MMP25: variants seen among roughly 807,000 people sequenced by gnomAD.
The protein encoded by MMP25 is matrix metalloproteinase-25.
A neutral mutation model predicts 62.1 loss-of-function variants in MMP25; 68 were observed. The ratio of observed to expected loss-of-function variants is 1.10; its 90% CI spans 0.90 to 1.34. MMP25 has a LOEUF of 1.34. MMP25 is among the 40% of genes most tolerant of loss of function. The pLI is 0.00. For missense variants in MMP25, 942 were observed against 792.5 expected, an observed-to-expected ratio of 1.19 and a Z score of -2.26; for synonymous variants, 407 against 345.6, an observed-to-expected ratio of 1.18 and a Z score of -1.97.
intron 4 of MMP25, chr16:3,051,810 T>G (rs1239452748): frequency 6.6e-6 from 1 of 151,924 alleles, no homozygotes; most frequent in African/African-American, 2.4e-5. Context: ...CTAGAAGAGG[T>G]GACTTCGTTC....
Position 3,059,188 on chromosome 16 carries a change from C to T in MMP25, c.*90C>T, listed in dbSNP as rs1567130366. 1 of 1,387,582 alleles carries T rather than the reference C, an allele frequency of 7.2e-7. No homozygotes were observed. Among genetic ancestry groups the T allele is most frequent in the African/African-American group, 1.5e-5 (1 of 68,444 alleles). 86.0% of individuals were successfully genotyped at this position (1,387,582 alleles called of 1,614,324 possible). On this transcript the variant is annotated 3_prime_UTR_variant, in exon 10 of 10. Transcript: ENST00000336577. ...CGGGGGTTGTGAGGCGCTGCGGAGG[C>T]CCCTTGTCTGTTCCCACGGACGGGG... is the stretch of plus-strand genomic sequence containing the variant.
chr16:3,059,319 C>T lies in MMP25; in HGVS notation c.*221C>T. On this transcript the variant is annotated 3_prime_UTR_variant, in exon 10 of 10. Transcript: ENST00000336577. ...GTCTCCTCAGGGTCTGAGACCCCGG[C>T]GCTGCCACCGGAACCCGCCTTCAGG... The T allele has an allele frequency of 2.3e-6, 1 of 444,376 alleles. No individual in the cohort carries two copies. The highest frequency in any genetic ancestry group is 3.8e-6 in the Non-Finnish European group (1 of 266,224). The allele number at this position is 444,376 out of a possible 1,614,324, so 27.5% of individuals were successfully genotyped here. A position where few individuals can be genotyped will look rare whatever the true frequency, so the allele number is the denominator to read the frequency against.
intron 2 of MMP25, among the ~76,000 whole-genome samples, chr16:3,047,790 T>A (rs1364948332): frequency 6.6e-6 from 1 of 151,412 alleles, no homozygotes. Flanking sequence ...AGGCCAGGAG[T>A]TTGAGACCAG....
chr16:3,048,037 C>T (rs972840531), intron 2 of MMP25, among the ~76,000 whole-genome samples: 2 of 152,142 alleles, frequency 1.3e-5, no homozygotes, highest in African/African-American at 4.8e-5. Flanking sequence ...CGGGGTTTCT[C>T]CATGCTGATC....
chr16:3,047,625 G>A, intron 2 of MMP25, 78 bp downstream of exon 2: 2 of 1,503,466 alleles, frequency 1.3e-6, no homozygotes, highest in Non-Finnish European at 1.8e-6. Flanking sequence ...AGACCTCAGT[G>A]TGCTCCTGGA....
rs1193131328 is a variant in MMP25, at chr16:3,050,154, G to T, written c.368+10G>T. On this transcript the variant is annotated intron_variant, in intron 3 of 9. Transcript: ENST00000336577. ...GAACCCTGACATGGAGGTAGGTCCT[G>T]GGGCCCACCCGCACCCTGGCCCTGC... 2 of 1,600,028 alleles carry T rather than the reference G, an allele frequency of 1.2e-6. No individual in the cohort carries two copies. Among genetic ancestry groups the T allele is most frequent in the Non-Finnish European group, 8.5e-7 (1 of 1,169,950 alleles).
intron 2 of MMP25, among the ~76,000 whole-genome samples, chr16:3,049,190 G>A (rs1205940069): frequency 2.0e-5 from 3 of 151,666 alleles, no homozygotes; most frequent in South Asian, 2.1e-4. Context: ...AGACGGCTGC[G>A]GAGTCCACAC....
At chr16:3,056,416 T>C (rs117093433) in intron 4 of MMP25, among the ~76,000 whole-genome samples, 1 of 151,980 alleles carries the variant, frequency 6.6e-6, no homozygotes, top group Non-Finnish European at 1.5e-5. Context: ...TTTACTTTTT[T>C]TGAGACGGGG....
In MMP25 at chr16:3,059,291, TCA is replaced by T; in HGVS notation, c.*194_*195del. 1 of 622,856 alleles carries T rather than the reference TCA, an allele frequency of 1.6e-6. No homozygotes were observed. Among genetic ancestry groups the T allele is most frequent in the Non-Finnish European group, 2.6e-6 (1 of 391,562 alleles). 38.6% of individuals were successfully genotyped at this position (622,856 alleles called of 1,614,324 possible). ...GGGGACCGGTCGCCTGGCGCTGGGCTCAGTCTCCTCAGGGTCTGAGACCCCGG... is the reference window on the plus strand; with the variant it reads ...GGGGACCGGTCGCCTGGCGCTGGGCTGTCTCCTCAGGGTCTGAGACCCCGG... On this transcript the variant is annotated 3_prime_UTR_variant, in exon 10 of 10. Coordinates refer to ENST00000336577, the MANE Select transcript of MMP25 (RefSeq NM_022468.5).
chr16:3,049,850 A>G, intron 2 of MMP25, 159 bp from the exon 3 acceptor site: 2 of 1,073,926 alleles, frequency 1.9e-6, no homozygotes, highest in Non-Finnish European at 1.4e-6. Flanking sequence ...TTCCAGAGAC[A>G]GACTGCCTGG....
At chr16:3,054,845 G>C (rs2013921) in intron 4 of MMP25, 54,428 of 129,836 alleles carry the variant, frequency 0.42, 12,930 homozygotes, top group East Asian at 0.7. Flanking sequence ...CGGATGCATG[G>C]CCAGAGGCAG....
chr16:3,049,992 C>T lies in MMP25; in HGVS notation c.233-17C>T. 6.2e-7 allele frequency: 1 copy of T among 1,607,366 alleles called. No individual in the cohort carries two copies. Among genetic ancestry groups the T allele is most frequent in the Non-Finnish European group, 8.5e-7 (1 of 1,179,934 alleles). ...CCTATTGTGGACACACCCCCCACCG[C>T]CAAATGTCTCCCGCAGACCCAGGGA... On this transcript the variant is annotated splice_polypyrimidine_tract_variant and intron_variant, in intron 2 of 9. Transcript: ENST00000336577.
intron 4 of MMP25, chr16:3,056,762 G>A (rs566094424): frequency 2.3e-5 from 9 of 390,106 alleles, no homozygotes; most frequent in Admixed American, 1.7e-4. Flanking sequence ...CCCAGAGGAG[G>A]GGCCCCATCG....
intron 4 of MMP25, 27 bp downstream of exon 4, chr16:3,050,573 C>G (rs761741778): frequency 2.0e-6 from 3 of 1,501,882 alleles, no homozygotes; most frequent in Non-Finnish European, 2.7e-6. Context: ...TATGAGAGAT[C>G]CTCTTGCCAG....
intron 4 of MMP25, chr16:3,055,877 TGAG>T (rs1955998000): frequency 2.2e-6 from 1 of 455,550 alleles, no homozygotes; most frequent in Non-Finnish European, 4.4e-6. Context: ...CACCGGTTGA[TGAG>T]GAGCTGGGCT....
intron 4 of MMP25, chr16:3,051,417 G>GC (rs1955900300): frequency 6.6e-6 from 1 of 152,318 alleles, no homozygotes; most frequent in Admixed American, 6.6e-5. Flanking sequence ...GATTGGCTCT[G>GC]CCCCCACCCC....
chr16:3,051,551 A>G (rs976421710), intron 4 of MMP25: 1 of 152,244 alleles, frequency 6.6e-6, no homozygotes, highest in Non-Finnish European at 1.5e-5. Context: ...CCAGCTGGGC[A>G]CGACAGCCGG....
In MMP25 at chr16:3,060,136, G is replaced by C. The variant is rs189507613; in HGVS notation, c.*1038G>C. 6.6e-6 allele frequency: 1 copy of C among 152,168 alleles called. No individual in the cohort carries two copies. The highest frequency in any genetic ancestry group is 1.5e-5 in the Non-Finnish European group (1 of 68,176). The allele number at this position is 152,168 out of a possible 1,614,324, so 9.4% of individuals were successfully genotyped here. ...GGTGGGTGGAACCTGGGGGCACCTC[G>C]TTCACCCTGTCCCCACTCCCCACAG... On this transcript the variant is annotated 3_prime_UTR_variant, in exon 10 of 10. Transcript: ENST00000336577.
rs200284185 is a variant in MMP25 at position 3,047,396 on chromosome 16, G to A, written c.100-19G>A. ...ACTTTTCACCCAGCCCGCTTCACCT[G>A]CCCCCTCCGATGCCCTAGGACTGGC... On this transcript the variant is annotated intron_variant, in intron 1 of 9. Transcript: ENST00000336577. The A allele has an allele frequency of 1.7e-5, 28 of 1,604,814 alleles. 1 individual carries two copies. The highest frequency in any genetic ancestry group is 1.1e-5 in the South Asian group (1 of 90,446).
Sources: gnomAD v4.1 joint callset for allele counts (sites outside exome capture counted in the v4.1 genomes callset) on GRCh38, gnomAD v4.1.1 for gene constraint, MANE v1.5 for transcripts, NCBI Gene and HGNC (gene_info 2026-07-23, HGNC 2026-07-21) for gene names.